ABCA6: variants seen among roughly 807,000 people sequenced by gnomAD.
The protein encoded by ABCA6 is ATP-binding cassette sub-family A member 6.
ABCA6 carries 164 observed loss-of-function variants against 191.2 expected under a neutral mutation model. The observed-to-expected ratio is 0.86, with a 90% CI of 0.76 to 0.98. ABCA6 has a LOEUF of 0.98. Among genes scored for constraint, ABCA6 ranks in the 50% least tolerant of loss-of-function variants. The pLI is 0.00. For synonymous variants in ABCA6, 636 were observed against 647.7 expected, an observed-to-expected ratio of 0.98 and a Z score of 0.27; for missense variants, 1,958 against 1,894.1, an observed-to-expected ratio of 1.03 and a Z score of -0.63.
intron 10 of ABCA6, 143 bp downstream of exon 10, chr17:69,123,096 T>C (rs563743664): frequency 6.0e-6 from 2 of 334,582 alleles, no homozygotes; most frequent in Admixed American, 1.1e-4. Context: ...CACACCAACA[T>C]GGCACATGTA....
intron 10 of ABCA6, 152 bp downstream of exon 10, chr17:69,123,087 A>C (rs542370591): frequency 1.0e-5 from 3 of 293,684 alleles, no homozygotes; most frequent in African/African-American, 6.8e-5. Context: ...TGGGTGCAGC[A>C]CACCAACATG....
intron 25 of ABCA6, among the ~76,000 whole-genome samples, chr17:69,093,450 G>A (rs2072973532): frequency 6.6e-6 from 1 of 152,164 alleles, no homozygotes; most frequent in Non-Finnish European, 1.5e-5. Context: ...AAGGTCACAA[G>A]ATAAGTAAGT....
chr17:69,132,772 G>A (rs1034762381), intron 6 of ABCA6, among the ~76,000 whole-genome samples: 2 of 152,200 alleles, frequency 1.3e-5, no homozygotes, highest in Non-Finnish European at 2.9e-5. Context: ...GAGCCAGTGT[G>A]CCTGGCCTAT....
chr17:69,083,154 C>G, intron 35 of ABCA6, 58 bp downstream of exon 35: 2 of 1,561,164 alleles, frequency 1.3e-6, no homozygotes, highest in African/African-American at 1.4e-5. Context: ...GGATTTTTGC[C>G]CTTTCCATGG....
intron 31 of ABCA6, 106 bp downstream of exon 31, chr17:69,085,519 C>CAAAAAAAAAA (rs35438104): frequency 2.7e-5 from 13 of 474,626 alleles, no homozygotes; most frequent in Admixed American, 5.3e-5. Context: ...TATCCAAAGG[C>CAAAAAAAAAA]AAAAAAAAAA....
intron 10 of ABCA6, among the ~76,000 whole-genome samples, chr17:69,121,722 G>A (rs913817844): frequency 2.0e-5 from 3 of 151,940 alleles, no homozygotes; most frequent in Non-Finnish European, 2.9e-5. Flanking sequence ...AAAAGATTTT[G>A]TTAGAAGATT....
chr17:69,109,352 C>T (rs2144665379), intron 17 of ABCA6: 2 of 152,198 alleles, frequency 1.3e-5, no homozygotes, highest in South Asian at 4.2e-4. Context: ...TAGAACAGTG[C>T]CTAACACGTA....
chr17:69,135,984 C>T lies in ABCA6; in HGVS notation c.460+108G>A, dbSNP rs760744725. 11 of 1,078,160 alleles carry T rather than the reference C, an allele frequency of 1.0e-5. No homozygotes were observed. The East Asian group carries it at 2.3e-4, about 22-fold the overall frequency. 66.8% of individuals were successfully genotyped at this position (1,078,160 alleles called of 1,614,324 possible). ...TAAGTTCAGCAATGAAATGGGCTTT[C>T]CCTGTTTTCTCATGTGTCATTGAAA... is the stretch of plus-strand genomic sequence containing the variant. On this transcript the variant is annotated intron_variant, in intron 4 of 38. Coordinates refer to ENST00000284425, the MANE Select transcript of ABCA6 (RefSeq NM_080284.3).
chr17:69,082,022 G>C (rs887820035), intron 36 of ABCA6, among the ~76,000 whole-genome samples: 1 of 152,092 alleles, frequency 6.6e-6, no homozygotes, highest in African/African-American at 2.4e-5. Context: ...TGGCACTAAG[G>C]TTGACCAGAT....
rs568878619 is a variant in ABCA6 at position 69,139,778 on chromosome 17, T to C, written c.96+830A>G. ...AATACTATGCAGCCATAAAAAATGATGAGTTCATGTCCTTTGTAGGGACAT... is the reference window on the plus strand; with the variant it reads ...AATACTATGCAGCCATAAAAAATGACGAGTTCATGTCCTTTGTAGGGACAT... On this transcript the variant is annotated intron_variant, in intron 2 of 38. Transcript: ENST00000284425. 1.8e-3 allele frequency among the ~76,000 whole-genome samples: 270 copies of C among 152,180 alleles called. 2 individuals are homozygous for C. The highest frequency in any genetic ancestry group is 6.1e-3 in the African/African-American group (255 of 41,534).
intron 5 of ABCA6, 74 bp downstream of exon 5, chr17:69,134,565 T>C (rs1195069619): frequency 4.7e-6 from 5 of 1,057,634 alleles, no homozygotes; most frequent in African/African-American, 3.2e-5. Context: ...AAGACAATTA[T>C]CTTTCATCAA....
chr17:69,085,251 T>G, intron 31 of ABCA6, 69 bp from the exon 32 acceptor site: 2 of 1,458,850 alleles, frequency 1.4e-6, no homozygotes, highest in South Asian at 1.3e-5. Flanking sequence ...CTCCAGAAAC[T>G]GACATATATA....
Position 69,085,663 on chromosome 17 carries a change from T to G in ABCA6, c.3991A>C (p.Arg1331=). The G allele has an allele frequency of 6.2e-7, 1 of 1,612,500 alleles. No homozygotes were observed. Among genetic ancestry groups the G allele is most frequent in the African/African-American group, 1.3e-5 (1 of 74,980 alleles). Residue 1331 remains arginine, a synonymous_variant, in exon 31 of 39, where the codon AGA becomes CGA. Coordinates refer to ENST00000284425, the MANE Select transcript of ABCA6 (RefSeq NM_080284.3). Reference sequence around the variant, plus strand: ...GGCTTTGTGATCCCAGATATCATTCTAATAGATGAACTTTTTCCAGCACCA... The same window carrying G: ...GGCTTTGTGATCCCAGATATCATTCGAATAGATGAACTTTTTCCAGCACCA... The part of the protein sequence containing the change: ...PNGAGKSSSI[R]MISGITKPTA...
chr17:69,087,161 T>G (rs2072817700), intron 29 of ABCA6, among the ~76,000 whole-genome samples, 192 bp downstream of exon 29: 1 of 152,246 alleles, frequency 6.6e-6, no homozygotes, highest in Non-Finnish European at 1.5e-5. Flanking sequence ...TTGTGTTCTT[T>G]TTAGCTTCTA....
At chr17:69,113,103 C>T in intron 15 of ABCA6, 119 bp downstream of exon 15, 10 of 1,207,438 alleles carry the variant, frequency 8.3e-6, no homozygotes, top group Non-Finnish European at 1.1e-5. Context: ...GTCCTCCTGA[C>T]TGCTATAGAA....
At position 69,082,891 on chromosome 17, in the gene ABCA6, T is replaced by A; in HGVS notation, c.4598A>T (p.Gln1533Leu). 1.2e-6 allele frequency: 2 copies of A among 1,614,188 alleles called. No homozygotes were observed. The highest frequency in any genetic ancestry group is 1.7e-6 in the Non-Finnish European group (2 of 1,180,004). The change falls in exon 36 of 39, where the codon CAG becomes CTG. Residue 1533 changes from glutamine to leucine, a missense_variant. Transcript: ENST00000284425. Reference sequence around the variant, plus strand: ...GTCTCACCTTTCCTGCCCTGCAGCCTGTGGGAAAAGCTTCAGAATCTCAGT... The same window carrying A: ...GTCTCACCTTTCCTGCCCTGCAGCCAGTGGGAAAAGCTTCAGAATCTCAGT... ...VHTEILKLFP[Q>L]AAGQERYSSL... is the part of the protein sequence containing the mutation.
Position 69,128,820 on chromosome 17 carries a change from G to C in ABCA6, c.934-16C>G. On this transcript the variant is annotated splice_polypyrimidine_tract_variant and intron_variant, in intron 7 of 38. Coordinates refer to ENST00000284425, the MANE Select transcript of ABCA6 (RefSeq NM_080284.3). ...CCAAAGCTACCTGCAAGAGAGAGAA[G>C]ACATTCAGCTGTTATAAAAAATATT... 6.4e-7 allele frequency: 1 copy of C among 1,554,440 alleles called. No individual in the cohort carries two copies. Among genetic ancestry groups the C allele is most frequent in the Non-Finnish European group, 8.7e-7 (1 of 1,151,960 alleles).
rs888046085 is a variant in ABCA6 at position 69,134,525 on chromosome 17, A to G, written c.564+114T>C. 70 of 727,660 alleles carry G rather than the reference A, an allele frequency of 9.6e-5. 1 individual carries two copies. The African/African-American group carries it at 1.2e-3, about 13-fold the overall frequency. 45.1% of individuals were successfully genotyped at this position (727,660 alleles called of 1,614,324 possible). On this transcript the variant is annotated intron_variant, in intron 5 of 38. Transcript: ENST00000284425. ...GTCCTTTACAAATTACCCAATCTCA[A>G]GTATTTTGTTGTAGCAGTACAAACG...
At chr17:69,096,453 T>C in intron 24 of ABCA6, 100 bp from the exon 25 acceptor site, 1 of 830,018 alleles carries the variant, frequency 1.2e-6, no homozygotes, top group Non-Finnish European at 1.7e-6. Context: ...GGCATAAGTA[T>C]AAAACATCTT....
Sources: gnomAD v4.1 joint callset for allele counts (sites outside exome capture counted in the v4.1 genomes callset) on GRCh38, gnomAD v4.1.1 for gene constraint, MANE v1.5 for transcripts, NCBI Gene and HGNC (gene_info 2026-07-23, HGNC 2026-07-21) for gene names.